The following OR5B21 variants were observed in gnomAD, a reference collection of about 807,000 sequenced individuals.
OR5B21 encodes olfactory receptor family 5 subfamily B member 21.
For synonymous variants in OR5B21, 151 were observed against 143.3 expected (o/e 1.05, Z -0.38); for missense variants, 372 against 375.7 (o/e 0.99, Z 0.08).
rs1259277834 is a variant in OR5B21 at position 58,507,498 on chromosome 11, T to G, written c.608A>C (p.Asn203Thr). ...GATGACCAGGAGGGTGAAAAAGACGTTGAAGCCTGCCACAAAGACCACCAA... is the reference window on the plus strand; with the variant it reads ...GATGACCAGGAGGGTGAAAAAGACGGTGAAGCCTGCCACAAAGACCACCAA... Reference protein sequence around the residue: ...SKLVVFVAGFNVFFTLLVILI... With the variant: ...SKLVVFVAGFTVFFTLLVILI... The change falls in exon 1 of 1, where the codon AAC becomes ACC. Residue 203 changes from asparagine to threonine, a missense_variant. Coordinates refer to ENST00000360374, the MANE Select transcript of OR5B21 (RefSeq NM_001005218.3). 6.2e-7 allele frequency: 1 copy of G among 1,614,062 alleles called. No individual in the cohort carries two copies. Among genetic ancestry groups the G allele is most frequent in the Non-Finnish European group, 8.5e-7 (1 of 1,179,984 alleles).
chr11:58,507,568 G>C lies in OR5B21; in HGVS notation c.538C>G (p.Pro180Ala). The C allele has an allele frequency of 6.2e-7, 1 of 1,614,144 alleles. No homozygotes were observed. Among genetic ancestry groups the C allele is most frequent in the Non-Finnish European group, 8.5e-7 (1 of 1,180,030 alleles). The change falls in exon 1 of 1, where the codon CCC becomes GCC. Residue 180 changes from proline (P) to alanine (A), a missense_variant. Coordinates refer to ENST00000360374, the MANE Select transcript of OR5B21 (RefSeq NM_001005218.3). ...NEINHFFCDI[P>A]PLLALSCSDT... ...GAGCATGAGAGAGCCAGGAGTGGGG[G>C]AATGTCACAGAAGAAATGATTAATC...
chr11:58,507,258 T>G lies in OR5B21; in HGVS notation c.848A>C (p.Asn283Thr). The change falls in exon 1 of 1, where the codon AAT (asparagine) becomes ACT (threonine). Residue 283 changes from asparagine (N) to threonine (T), a missense_variant. Asn to Thr is a moderately conservative substitution (Grantham distance 65, BLOSUM62 0). Coordinates refer to ENST00000360374, the MANE Select transcript of OR5B21 (RefSeq NM_001005218.3). ...VFYTVVIPMLNPLIYSLRNKE... is the reference protein window; with the variant it reads ...VFYTVVIPMLTPLIYSLRNKE... The stretch of plus-strand genomic sequence containing the variant: ...GTTCCTAAGGCTGTATATCAAGGGA[T>G]TCAGCATGGGAATCACCACTGTGTA... The G allele has an allele frequency of 6.2e-7, 1 of 1,614,106 alleles. No individual in the cohort carries two copies. The highest frequency in any genetic ancestry group is 8.5e-7 in the Non-Finnish European group (1 of 1,179,966).
Position 58,507,529 on chromosome 11 carries a change from TGATGCGTGTGTCAGAGCATGAGA to T in OR5B21, c.554_576del (p.Leu185GlnfsTer37). On this transcript the variant is annotated frameshift_variant, in exon 1 of 1. Transcript: ENST00000360374. LOFTEE classifies it low-confidence loss of function (END_TRUNC). ...CCTGCCACAAAGACCACCAACTTGC[TGATGCGTGTGTCAGAGCATGAGA>T]GAGCCAGGAGTGGGGGAATGTCACA... 6.2e-7 allele frequency: 1 copy of T among 1,614,164 alleles called. No homozygotes were observed. Among genetic ancestry groups the T allele is most frequent in the Non-Finnish European group, 8.5e-7 (1 of 1,180,028 alleles).
Position 58,506,940 on chromosome 11 carries a change from G to A in OR5B21, c.*236C>T, listed in dbSNP as rs549980512. 3.3e-5 allele frequency among the ~76,000 whole-genome samples: 5 copies of A among 152,144 alleles called. No homozygotes were observed. Among genetic ancestry groups the A allele is most frequent in the Non-Finnish European group, 7.4e-5 (5 of 68,018 alleles). ...GCTTCAATCTTCTGCTTTAAACCACGTCAAGAAACTAAAGCAAGAAAAGCT... is the reference window on the plus strand; with the variant it reads ...GCTTCAATCTTCTGCTTTAAACCACATCAAGAAACTAAAGCAAGAAAAGCT... On this transcript the variant is annotated 3_prime_UTR_variant, in exon 1 of 1. Coordinates refer to ENST00000360374, the MANE Select transcript of OR5B21 (RefSeq NM_001005218.3).
At position 58,507,464 on chromosome 11, in the gene OR5B21, A is replaced by C. The variant is rs1295192658; in HGVS notation, c.642T>G (p.Ser214=). The C allele has an allele frequency of 5.6e-6, 9 of 1,614,056 alleles. No individual in the cohort carries two copies. The Admixed American group carries it at 1.5e-4, about 27-fold the overall frequency. Residue 214 remains serine (S), a synonymous_variant, in exon 1 of 1, where the codon TCT becomes TCG. Transcript: ENST00000360374. ...GAATGGTGATGCATATGAAGAAGTA[A>C]GAAATAAGGATGACCAGGAGGGTGA... ...VFFTLLVILI[S]YFFICITIQR...
rs765557343 is a variant in OR5B21, at chr11:58,507,771, A to T, written c.335T>A (p.Leu112His). 1 of 1,614,160 alleles carries T rather than the reference A, an allele frequency of 6.2e-7. No individual in the cohort carries two copies. Among genetic ancestry groups the T allele is most frequent in the South Asian group, 1.1e-5 (1 of 91,074 alleles). The change falls in exon 1 of 1, where the codon CTC becomes CAC. Residue 112 changes from leucine to histidine, a missense_variant. Leu to His is a moderately conservative substitution (Grantham distance 99). Coordinates refer to ENST00000360374, the MANE Select transcript of OR5B21 (RefSeq NM_001005218.3). ...GCGATCATAGGCCATGGAGGCCAGG[A>T]GGTAGCACTCAACAGTGGCAAACCC... ...FVGFATVECY[L>H]LASMAYDRHA...
At position 58,507,542 on chromosome 11, in the gene OR5B21, A is replaced by T. The variant is rs757851033; in HGVS notation, c.564T>A (p.Ser188=). 7 of 1,614,052 alleles carry T rather than the reference A, an allele frequency of 4.3e-6. No individual in the cohort carries two copies. The Admixed American group carries it at 5.0e-5, about 12-fold the overall frequency. The change falls in exon 1 of 1, where the codon TCT becomes TCA. Residue 188 remains serine, a synonymous_variant. Transcript: ENST00000360374. ...CCACCAACTTGCTGATGCGTGTGTCAGAGCATGAGAGAGCCAGGAGTGGGG... is the reference window on the plus strand; with the variant it reads ...CCACCAACTTGCTGATGCGTGTGTCTGAGCATGAGAGAGCCAGGAGTGGGG... The part of the protein sequence containing the change: ...DIPPLLALSC[S]DTRISKLVVF...
chr11:58,507,855 C>A lies in OR5B21; in HGVS notation c.251G>T (p.Arg84Leu), dbSNP rs200518896. 15 of 1,614,056 alleles carry A rather than the reference C, an allele frequency of 9.3e-6. No homozygotes were observed. In the East Asian group the frequency reaches 2.9e-4, roughly 31 times the overall value. ...GTAGGAGATGGCCTTGTCCCCTGAC[C>A]GCAATGCAGCCACCGTTTTGGGGGC... ...AVAPKTVAAL[R>L]SGDKAISYDG... Residue 84 changes from arginine to leucine, a missense_variant, in exon 1 of 1, where the codon CGG (arginine) becomes CTG (leucine). By Grantham distance (102) the Arg-to-Leu change is moderately radical (BLOSUM62 -2). Transcript: ENST00000360374.
chr11:58,507,433 T>A lies in OR5B21; in HGVS notation c.673A>T (p.Met225Leu). ...TTCTTCTGCCCTTCAGCAGAATGCA[T>A]CCTCTGAATGGTGATGCATATGAAG... ...YFFICITIQR[M>L]HSAEGQKKVF... The change falls in exon 1 of 1, where the codon ATG becomes TTG. Residue 225 changes from methionine (M) to leucine (L), a missense_variant. Coordinates refer to ENST00000360374, the MANE Select transcript of OR5B21 (RefSeq NM_001005218.3). 1 of 1,614,092 alleles carries A rather than the reference T, an allele frequency of 6.2e-7. No homozygotes were observed. Among genetic ancestry groups the A allele is most frequent in the East Asian group, 2.2e-5 (1 of 44,872 alleles).
At position 58,507,604 on chromosome 11, in the gene OR5B21, C is replaced by T; in HGVS notation, c.502G>A (p.Gly168Ser). 1 of 1,614,046 alleles carries T rather than the reference C, an allele frequency of 6.2e-7. No homozygotes were observed. The change falls in exon 1 of 1, where the codon GGT becomes AGT. Residue 168 changes from glycine to serine, a missense_variant. Coordinates refer to ENST00000360374, the MANE Select transcript of OR5B21 (RefSeq NM_001005218.3). ...AAGAAATGATTAATCTCATTAGAAC[C>T]ACAGAAGGAGAGTCTGAAGGTGCCT... ...AAGTFRLSFC[G>S]SNEINHFFCD...
Position 58,507,565 on chromosome 11 carries a change from G to A in OR5B21, c.541C>T (p.Pro181Ser), listed in dbSNP as rs1241937130. Residue 181 changes from proline to serine, a missense_variant, in exon 1 of 1, where the codon CCA becomes TCA. By Grantham distance (74) the Pro-to-Ser change is moderately conservative. Transcript: ENST00000360374. ...EINHFFCDIPPLLALSCSDTR... is the reference protein window; with the variant it reads ...EINHFFCDIPSLLALSCSDTR... ...TCAGAGCATGAGAGAGCCAGGAGTG[G>A]GGGAATGTCACAGAAGAAATGATTA... 1 of 1,614,154 alleles carries A rather than the reference G, an allele frequency of 6.2e-7. No homozygotes were observed. Among genetic ancestry groups the A allele is most frequent in the Non-Finnish European group, 8.5e-7 (1 of 1,180,034 alleles).
Position 58,507,269 on chromosome 11 carries a change from A to G in OR5B21, c.837T>C (p.Ile279=), listed in dbSNP as rs1853059752. 4 of 1,614,072 alleles carry G rather than the reference A, an allele frequency of 2.5e-6. No individual in the cohort carries two copies. In the East Asian group the frequency reaches 8.9e-5, roughly 36 times the overall value. Residue 279 remains isoleucine (I), a synonymous_variant, in exon 1 of 1, where the codon ATT becomes ATC. Coordinates refer to ENST00000360374, the MANE Select transcript of OR5B21 (RefSeq NM_001005218.3). ...KIASVFYTVV[I]PMLNPLIYSL... is the part of the protein sequence containing the mutation. ...TGTATATCAAGGGATTCAGCATGGG[A>G]ATCACCACTGTGTAAAACACAGAGG...
Position 58,507,822 on chromosome 11 carries a change from C to T in OR5B21, c.284G>A (p.Cys95Tyr), listed in dbSNP as rs770421366. 1.2e-6 allele frequency: 2 copies of T among 1,614,132 alleles called. No homozygotes were observed. Among genetic ancestry groups the T allele is most frequent in the Non-Finnish European group, 1.7e-6 (2 of 1,180,000 alleles). ...SGDKAISYDG[C>Y]AAQFFFFVGF... ...CACAAAGAAGAAGAACTGAGCTGCA[C>T]ATCCATCGTAGGAGATGGCCTTGTC... Residue 95 changes from cysteine (C) to tyrosine (Y), a missense_variant, in exon 1 of 1, where the codon TGT (cysteine) becomes TAT (tyrosine). Physicochemically the swap from Cys to Tyr is radical, Grantham distance 194. Coordinates refer to ENST00000360374, the MANE Select transcript of OR5B21 (RefSeq NM_001005218.3).
rs1345546295 is a variant in OR5B21 at position 58,507,523 on chromosome 11, A to C, written c.583T>G (p.Leu195Val). 4.3e-6 allele frequency: 7 copies of C among 1,614,038 alleles called. No homozygotes were observed. Among genetic ancestry groups the C allele is most frequent in the Non-Finnish European group, 5.1e-6 (6 of 1,180,022 alleles). Reference protein sequence around the residue: ...LSCSDTRISKLVVFVAGFNVF... With the variant: ...LSCSDTRISKVVVFVAGFNVF... ...TTGAAGCCTGCCACAAAGACCACCAACTTGCTGATGCGTGTGTCAGAGCAT... is the reference window on the plus strand; with the variant it reads ...TTGAAGCCTGCCACAAAGACCACCACCTTGCTGATGCGTGTGTCAGAGCAT... The change falls in exon 1 of 1, where the codon TTG becomes GTG. Residue 195 changes from leucine (L) to valine (V), a missense_variant. Transcript: ENST00000360374.
In OR5B21 at chr11:58,507,768, A is replaced by C. The variant is rs145155644; in HGVS notation, c.338T>G (p.Leu113Arg). Residue 113 changes from leucine to arginine, a missense_variant, in exon 1 of 1, where the codon CTG (leucine) becomes CGG (arginine). Coordinates refer to ENST00000360374, the MANE Select transcript of OR5B21 (RefSeq NM_001005218.3). Reference sequence around the variant, plus strand: ...ATGGCGATCATAGGCCATGGAGGCCAGGAGGTAGCACTCAACAGTGGCAAA... The same window carrying C: ...ATGGCGATCATAGGCCATGGAGGCCCGGAGGTAGCACTCAACAGTGGCAAA... The part of the protein sequence containing the change: ...VGFATVECYL[L>R]ASMAYDRHAA... 9.3e-6 allele frequency: 15 copies of C among 1,614,048 alleles called. No individual in the cohort carries two copies. The highest frequency in any genetic ancestry group is 4.4e-5 in the South Asian group (4 of 91,080).
In OR5B21 at chr11:58,507,323, G is replaced by C; in HGVS notation, c.783C>G (p.Ser261=). ...TIIFMYLQPN[S]SQSVDTDKIA... ...TTTTGTCTGTGTCCACGGACTGGCT[G>C]GAGTTGGGCTGTAAGTACATGAAGA... The change falls in exon 1 of 1, where the codon TCC becomes TCG. Residue 261 remains serine (S), a synonymous_variant. Transcript: ENST00000360374. 1 of 1,614,152 alleles carries C rather than the reference G, an allele frequency of 6.2e-7. No homozygotes were observed. The highest frequency in any genetic ancestry group is 8.5e-7 in the Non-Finnish European group (1 of 1,180,002).
Position 58,507,983 on chromosome 11 carries a change from C to G in OR5B21, c.123G>C (p.Gly41=), listed in dbSNP as rs1442115638. ...CTGAGTGGATGATCACCATCATTCC[C>G]CCATTCCCAAGCAGGGTGATGAGGT... ...FIYLITLLGN[G]GMMVIIHSDS... Residue 41 remains glycine (G), a synonymous_variant, in exon 1 of 1, where the codon GGG becomes GGC. Coordinates refer to ENST00000360374, the MANE Select transcript of OR5B21 (RefSeq NM_001005218.3). 2 of 1,613,876 alleles carry G rather than the reference C, an allele frequency of 1.2e-6. No individual in the cohort carries two copies. Among genetic ancestry groups the G allele is most frequent in the South Asian group, 2.2e-5 (2 of 91,078 alleles).
Position 58,508,036 on chromosome 11 carries a change from G to A in OR5B21, c.70C>T (p.Pro24Ser). 2 of 1,614,074 alleles carry A rather than the reference G, an allele frequency of 1.2e-6. No homozygotes were observed. The highest frequency in any genetic ancestry group is 1.7e-6 in the Non-Finnish European group (2 of 1,179,986). ...ATGAATAAAAATGCCAGGAGGAGGG[G>A]TATCTGAAGATTGGGGTCATCTGTT... ...GLTDDPNLQI[P>S]LLLAFLFIYL... The change falls in exon 1 of 1, where the codon CCC becomes TCC. Residue 24 changes from proline to serine, a missense_variant. By Grantham distance (74) the Pro-to-Ser change is moderately conservative. Transcript: ENST00000360374.
Position 58,507,543 on chromosome 11 carries a change from G to T in OR5B21, c.563C>A (p.Ser188Tyr). 1 of 1,614,136 alleles carries T rather than the reference G, an allele frequency of 6.2e-7. No individual in the cohort carries two copies. The highest frequency in any genetic ancestry group is 8.5e-7 in the Non-Finnish European group (1 of 1,180,010). Residue 188 changes from serine to tyrosine, a missense_variant, in exon 1 of 1, where the codon TCT becomes TAT. Ser to Tyr is a moderately radical substitution (Grantham distance 144). Transcript: ENST00000360374. ...CACCAACTTGCTGATGCGTGTGTCA[G>T]AGCATGAGAGAGCCAGGAGTGGGGG... ...DIPPLLALSCSDTRISKLVVF... is the reference protein window; with the variant it reads ...DIPPLLALSCYDTRISKLVVF...
Sources: allele counts gnomAD v4.1 joint callset (sites outside exome capture counted in the v4.1 genomes callset), GRCh38; gene constraint gnomAD v4.1.1; transcripts MANE v1.5; gene names NCBI Gene and HGNC (gene_info 2026-07-23, HGNC 2026-07-21).